DNAH11: variants seen among roughly 807,000 people sequenced by gnomAD.
The protein encoded by DNAH11 is dynein axonemal heavy chain 11, also known as axonemal beta dynein heavy chain 11.
DNAH11 carries 442 observed loss-of-function variants against 526.0 expected under a neutral mutation model. The observed-to-expected ratio is 0.84, with a 90% CI of 0.78 to 0.91. The LOEUF is 0.91. Among genes scored for constraint, DNAH11 ranks in the 40% least tolerant of loss-of-function variants. The pLI, the probability that DNAH11 is intolerant of heterozygous loss-of-function variation, is 0.00. For missense variants in DNAH11, 6,989 were observed against 5,448.7 expected (o/e 1.28, Z -8.90); for synonymous variants, 2,461 against 1,935.9 (o/e 1.27, Z -7.12).
rs997285953 is a variant in DNAH11, at chr7:21,702,308, G to A, written c.6181-402G>A. Among the ~76,000 whole-genome samples the A allele has an allele frequency of 4.6e-5, 7 of 152,174 alleles. No homozygotes were observed. The East Asian group carries it at 9.6e-4, about 21-fold the overall frequency. ...GGGCCATTAGGGATCCAAGTCTGGG[G>A]AGAAGTAGAATACCAGGGCCCTTGA... On this transcript the variant is annotated intron_variant, in intron 36 of 81. Transcript: ENST00000409508.
intron 44 of DNAH11, among the ~76,000 whole-genome samples, chr7:21,722,544 C>T (rs535612510): frequency 6.6e-6 from 1 of 152,232 alleles, no homozygotes; most frequent in African/African-American, 2.4e-5. Context: ...CACTTCTCGC[C>T]ACTAGGTTAC....
chr7:21,752,203 T>G, intron 54 of DNAH11, among the ~76,000 whole-genome samples: 1 of 152,380 alleles, frequency 6.6e-6, no homozygotes, highest in African/African-American at 2.4e-5. Context: ...TGCTCAACTT[T>G]GCTTGCTTCT....
chr7:21,851,207 T>G (rs1050178365), intron 66 of DNAH11: 1 of 190,902 alleles, frequency 5.2e-6, no homozygotes, highest in Admixed American at 5.4e-5. Flanking sequence ...TGATAGTGAG[T>G]GAGTTCTCAT....
intron 30 of DNAH11, among the ~76,000 whole-genome samples, chr7:21,666,223 C>CA (rs1472995881): frequency 6.6e-6 from 1 of 151,930 alleles, no homozygotes; most frequent in Non-Finnish European, 1.5e-5. Context: ...GGATTAAAGG[C>CA]AAAAATACTG....
At chr7:21,841,308 A>G (rs1782195152) in intron 65 of DNAH11, among the ~76,000 whole-genome samples, 1 of 152,240 alleles carries the variant, frequency 6.6e-6, no homozygotes, top group African/African-American at 2.4e-5. Context: ...ATACATATAT[A>G]TACAGATATA....
rs761194521 is a variant in DNAH11, at chr7:21,784,506, T to C, written c.9563T>C (p.Val3188Ala). The C allele has an allele frequency of 1.2e-6, 2 of 1,612,988 alleles. No individual in the cohort carries two copies. Among genetic ancestry groups the C allele is most frequent in the Non-Finnish European group, 1.7e-6 (2 of 1,179,434 alleles). Residue 3188 changes from valine to alanine, a missense_variant, in exon 58 of 82, where the codon GTG becomes GCG. By Grantham distance (64) the Val-to-Ala change is moderately conservative. Transcript: ENST00000409508. ...ADLLKAEPALVAATAALNTLN... is the reference protein window; with the variant it reads ...ADLLKAEPALAAATAALNTLN... ...TTACTCAAGGCTGAGCCTGCACTGG[T>C]GGCTGCTACAGCTGCACTCAATACA...
chr7:21,715,997 C>A (rs568364814), intron 42 of DNAH11, among the ~76,000 whole-genome samples: 3 of 151,822 alleles, frequency 2.0e-5, no homozygotes, highest in African/African-American at 7.3e-5. Flanking sequence ...CTAGTGGGAT[C>A]GGTAGATTTT....
At chr7:21,690,649 A>G (rs953019467) in intron 34 of DNAH11, 116 bp from the exon 35 acceptor site, 4 of 728,606 alleles carry the variant, frequency 5.5e-6, no homozygotes, top group African/African-American at 5.5e-5. Context: ...TTTAAAGAAA[A>G]TTACACAGAA....
chr7:21,706,867 G>A (rs903609770), intron 39 of DNAH11, among the ~76,000 whole-genome samples: 1 of 152,206 alleles, frequency 6.6e-6, no homozygotes, highest in Non-Finnish European at 1.5e-5. Context: ...AGGAGCAAAA[G>A]GGAGAGTTAG....
At chr7:21,717,966 G>C (rs1264891496) in intron 43 of DNAH11, 41 bp downstream of exon 43, 3 of 1,569,752 alleles carry the variant, frequency 1.9e-6, no homozygotes, top group Non-Finnish European at 2.6e-6. Context: ...TAGTTCTGAT[G>C]CGGTAGTGTT....
chr7:21,816,865 G>T (rs546864270), intron 64 of DNAH11, among the ~76,000 whole-genome samples, 163 bp downstream of exon 64: 1 of 152,158 alleles, frequency 6.6e-6, no homozygotes, highest in African/African-American at 2.4e-5. Flanking sequence ...AAGTATCTCT[G>T]TTGAAAAGGC....
chr7:21,685,054 C>A (rs1276822750), intron 32 of DNAH11, among the ~76,000 whole-genome samples: 1 of 152,222 alleles, frequency 6.6e-6, no homozygotes, highest in Non-Finnish European at 1.5e-5. Context: ...ATTGTTCTTG[C>A]ACATAGTAAC....
rs1343867768 is a variant in DNAH11, at chr7:21,570,252, G to A, written c.1378G>A (p.Val460Met). 1 of 1,611,632 alleles carries A rather than the reference G, an allele frequency of 6.2e-7. No homozygotes were observed. The highest frequency in any genetic ancestry group is 1.7e-5 in the Admixed American group (1 of 59,700). ...LRPWDFQSHL[V>M]FCRFDKFLDR... ...ACCATGGGATTTCCAGTCTCATCTG[G>A]TGTTTTGCAGATTTGACAAGTTTCT... is the stretch of plus-strand genomic sequence containing the variant. Residue 460 changes from valine (V) to methionine (M), a missense_variant, in exon 7 of 82, where the codon GTG becomes ATG. Transcript: ENST00000409508.
intron 27 of DNAH11, 141 bp downstream of exon 27, chr7:21,637,843 T>C (rs1786940316): frequency 2.0e-6 from 1 of 500,826 alleles, no homozygotes. Flanking sequence ...AATTATCTAG[T>C]TGTCTCGTAC....
intron 65 of DNAH11, among the ~76,000 whole-genome samples, chr7:21,823,061 A>G (rs934503645): frequency 7.2e-6 from 1 of 138,826 alleles, no homozygotes; most frequent in African/African-American, 2.8e-5. Flanking sequence ...ATCTTCTCCC[A>G]TTCTGTAGGT....
At chr7:21,773,503 A>G (rs990441515) in intron 55 of DNAH11, among the ~76,000 whole-genome samples, 1 of 152,042 alleles carries the variant, frequency 6.6e-6, no homozygotes, top group Non-Finnish European at 1.5e-5. Flanking sequence ...AGATCTGTAT[A>G]TGCTGGCTTT....
chr7:21,861,759 T>C (rs1265762628), intron 68 of DNAH11, 94 bp from the exon 69 acceptor site: 36 of 1,496,970 alleles, frequency 2.4e-5, no homozygotes, highest in Non-Finnish European at 3.2e-5. Flanking sequence ...TCACTCCCTA[T>C]AGATAAACCT....
chr7:21,547,207 A>C (rs1440227369), intron 2 of DNAH11, among the ~76,000 whole-genome samples: 1 of 152,188 alleles, frequency 6.6e-6, no homozygotes, highest in African/African-American at 2.4e-5. Flanking sequence ...TAGCTGTTTG[A>C]GTTACGAATT....
intron 55 of DNAH11, among the ~76,000 whole-genome samples, chr7:21,769,261 G>A (rs1583675208): frequency 1.3e-5 from 2 of 152,226 alleles, no homozygotes; most frequent in South Asian, 2.1e-4. Context: ...TTCAAGCCTC[G>A]ACCTCATAAG....
Sources: gnomAD v4.1 joint callset for allele counts (sites outside exome capture counted in the v4.1 genomes callset) on GRCh38, gnomAD v4.1.1 for gene constraint, MANE v1.5 for transcripts, NCBI Gene and HGNC (gene_info 2026-07-23, HGNC 2026-07-21) for gene names.